The following CCDC69 variants were observed in gnomAD, a reference collection of about 807,000 sequenced individuals.
CCDC69 encodes the protein coiled-coil domain-containing protein 69.
Under a neutral mutation model 40.3 loss-of-function variants are expected in CCDC69, and 38 were observed. The ratio of observed to expected loss-of-function variants is 0.94; its 90% CI spans 0.73 to 1.24. The LOEUF (loss-of-function observed/expected upper bound fraction) is 1.24, where lower values mean the gene tolerates loss of function less well. Among genes scored for constraint, CCDC69 ranks in the 50% most tolerant of loss-of-function variants. The pLI, the probability that CCDC69 is intolerant of heterozygous loss-of-function variation, is 0.00. For missense variants in CCDC69, 389 were observed against 357.9 expected, an observed-to-expected ratio of 1.09 and a Z score of -0.70; for synonymous variants, 141 against 138.9, an observed-to-expected ratio of 1.02 and a Z score of -0.11.
At chr5:151,193,166 G>A (rs1314920084) in intron 4 of CCDC69, among the ~76,000 whole-genome samples, 1 of 151,860 alleles carries the variant, frequency 6.6e-6, no homozygotes, top group East Asian at 1.9e-4. Context: ...TGGATACCTA[G>A]GGATAACTAT....
At position 151,223,934 on chromosome 5, in the gene CCDC69, G is replaced by A. The variant is rs553558296; in HGVS notation, c.37C>T (p.Pro13Ser). 3 of 1,581,186 alleles carry A rather than the reference G, an allele frequency of 1.9e-6. No homozygotes were observed. The highest frequency in any genetic ancestry group is 2.3e-5 in the South Asian group (2 of 88,674). Reference sequence around the variant, plus strand: ...CCGGCGCCCTTTACCTTTTTCGGGGGTTTGCAGCTGCTCAGCCTGCTGTGT... The same window carrying A: ...CCGGCGCCCTTTACCTTTTTCGGGGATTTGCAGCTGCTCAGCCTGCTGTGT... ...CRHSRLSSCK[P>S]PKKKRQEPEP... Residue 13 changes from proline (P) to serine (S), a missense_variant, in exon 1 of 9, where the codon CCC becomes TCC. Coordinates refer to ENST00000355417, the MANE Select transcript of CCDC69 (RefSeq NM_015621.3).
chr5:151,186,059 C>G lies in CCDC69; in HGVS notation c.459G>C (p.Glu153Asp). ...TCTTATAGTTTCGGCTCAGAATGGA[C>G]TCCTCCACCCTCTTCATTTTGGCCT... ...AFQAKMKRVE[E>D]SILSRNYKKH... The change falls in exon 6 of 9, where the codon GAG becomes GAC. Residue 153 changes from glutamate to aspartate, a missense_variant. By Grantham distance (45) the Glu-to-Asp change is conservative. Transcript: ENST00000355417. The G allele has an allele frequency of 6.2e-7, 1 of 1,614,046 alleles. No individual in the cohort carries two copies. The highest frequency in any genetic ancestry group is 8.5e-7 in the Non-Finnish European group (1 of 1,179,974).
chr5:151,216,698 G>A (rs1038498589), intron 1 of CCDC69, among the ~76,000 whole-genome samples: 1 of 152,160 alleles, frequency 6.6e-6, no homozygotes, highest in Non-Finnish European at 1.5e-5. Flanking sequence ...TTACAGGCGT[G>A]AGCCACCACG....
chr5:151,204,242 C>T (rs1752823644), intron 2 of CCDC69, among the ~76,000 whole-genome samples: 1 of 152,068 alleles, frequency 6.6e-6, no homozygotes, highest in Admixed American at 6.6e-5. Flanking sequence ...ACCATATTGC[C>T]CAGTCTGATC....
intron 1 of CCDC69, among the ~76,000 whole-genome samples, chr5:151,208,240 G>C (rs1266497949): frequency 6.6e-6 from 1 of 152,178 alleles, no homozygotes; most frequent in Non-Finnish European, 1.5e-5. Context: ...AATAGAGTGA[G>C]ACTCTGTCTC....
chr5:151,181,359 G>C lies in CCDC69; in HGVS notation c.*2078C>G, dbSNP rs971435952. On this transcript the variant is annotated 3_prime_UTR_variant, in exon 9 of 9. Transcript: ENST00000355417. Reference sequence around the variant, plus strand: ...AGCCTCCCAAGCTGCTGGGACTACAGGCGCCCACCACCACGCCAAGCTAAT... The same window carrying C: ...AGCCTCCCAAGCTGCTGGGACTACACGCGCCCACCACCACGCCAAGCTAAT... The C allele has an allele frequency of 1.3e-5, 2 of 152,228 alleles. No individual in the cohort carries two copies. Among genetic ancestry groups the C allele is most frequent in the African/African-American group, 4.8e-5 (2 of 41,404 alleles). 9.4% of individuals were successfully genotyped at this position (152,228 alleles called of 1,614,324 possible).
chr5:151,184,663 C>T, intron 7 of CCDC69: 1 of 468,908 alleles, frequency 2.1e-6, no homozygotes, highest in East Asian at 3.5e-5. Context: ...AATTACAGGC[C>T]CTACCATCTC....
At chr5:151,206,745 C>T (rs1324402857) in intron 1 of CCDC69, among the ~76,000 whole-genome samples, 2 of 149,984 alleles carry the variant, frequency 1.3e-5, no homozygotes. Context: ...ATTCTCCTGC[C>T]TCAGCCTCCT....
intron 5 of CCDC69, among the ~76,000 whole-genome samples, chr5:151,187,019 G>T (rs748317210): frequency 6.6e-6 from 1 of 151,996 alleles, no homozygotes; most frequent in Non-Finnish European, 1.5e-5. Context: ...CTCCAGCTTA[G>T]ATCTCACTCC....
intron 1 of CCDC69, among the ~76,000 whole-genome samples, 183 bp downstream of exon 1, chr5:151,223,740 T>A (rs2114009094): frequency 6.6e-6 from 1 of 152,198 alleles, no homozygotes; most frequent in South Asian, 2.1e-4. Context: ...TTGGTGCGGC[T>A]CGGGCCGGGG....
intron 2 of CCDC69, among the ~76,000 whole-genome samples, chr5:151,204,196 T>C (rs1393149604): frequency 6.6e-6 from 1 of 151,800 alleles, no homozygotes; most frequent in South Asian, 2.1e-4. Flanking sequence ...CCAGGCTAGT[T>C]TTTTGTGTGT....
In CCDC69 at chr5:151,199,548, G is replaced by A. The variant is rs1181899257; in HGVS notation, c.232-464C>T. On this transcript the variant is annotated intron_variant, in intron 3 of 8. Coordinates refer to ENST00000355417, the MANE Select transcript of CCDC69 (RefSeq NM_015621.3). ...TCCCAACATTTCTCTTCCCCAGGCT[G>A]AACCCTCCCAGCCATTCTCATTGTC... is the stretch of plus-strand genomic sequence containing the variant. Among the ~76,000 whole-genome samples, 6 of 152,014 alleles carry A rather than the reference G, an allele frequency of 3.9e-5. No individual in the cohort carries two copies. The South Asian group carries it at 8.3e-4, about 21-fold the overall frequency.
chr5:151,198,925 G>T, intron 4 of CCDC69, 72 bp downstream of exon 4: 1 of 1,103,766 alleles, frequency 9.1e-7, no homozygotes, highest in Non-Finnish European at 1.4e-6. Flanking sequence ...GAGTGCCCAG[G>T]TGAACTGGGC....
chr5:151,201,364 G>A (rs757788856), intron 3 of CCDC69, among the ~76,000 whole-genome samples: 2 of 152,182 alleles, frequency 1.3e-5, no homozygotes, highest in Non-Finnish European at 2.9e-5. Flanking sequence ...TCTCAGCTTC[G>A]TGAAAGCAGC....
chr5:151,185,335 C>T (rs1752479652), intron 7 of CCDC69, 87 bp downstream of exon 7: 1 of 1,492,078 alleles, frequency 6.7e-7, no homozygotes, highest in Non-Finnish European at 9.2e-7. Context: ...CCTCCTCAAA[C>T]CACCTCCCCT....
chr5:151,188,710 T>C, intron 4 of CCDC69, among the ~76,000 whole-genome samples: 1 of 151,800 alleles, frequency 6.6e-6, no homozygotes, highest in East Asian at 1.9e-4. Flanking sequence ...ATAATATCAA[T>C]TTATCATATA....
intron 3 of CCDC69, 74 bp downstream of exon 3, chr5:151,201,508 T>A (rs1402674856): frequency 1.1e-6 from 1 of 942,854 alleles, no homozygotes; most frequent in Non-Finnish European, 1.7e-6. Flanking sequence ...AAACCTAAGG[T>A]AGGCACTCAC....
intron 1 of CCDC69, among the ~76,000 whole-genome samples, chr5:151,210,271 C>T (rs771601606): frequency 6.6e-6 from 1 of 152,130 alleles, no homozygotes; most frequent in Non-Finnish European, 1.5e-5. Context: ...AGGCCAGGTG[C>T]GGTGGCTCAT....
At chr5:151,205,552 C>T in intron 1 of CCDC69, 77 bp from the exon 2 acceptor site, 2 of 1,246,554 alleles carry the variant, frequency 1.6e-6, no homozygotes, top group South Asian at 1.2e-5. Context: ...TATAGTGGGA[C>T]TCTTCCAAAG....
Sources: gnomAD v4.1 joint callset for allele counts (sites outside exome capture counted in the v4.1 genomes callset) on GRCh38, gnomAD v4.1.1 for gene constraint, MANE v1.5 for transcripts, NCBI Gene and HGNC (gene_info 2026-07-23, HGNC 2026-07-21) for gene names.